CRB1: variants seen among roughly 807,000 people sequenced by gnomAD.
CRB1 encodes crumbs cell polarity complex component 1, also known as protein crumbs homolog 1.
Under a neutral mutation model 120.0 loss-of-function variants are expected in CRB1, and 83 were observed. The ratio of observed to expected loss-of-function variants is 0.69; its 90% CI spans 0.58 to 0.83. The LOEUF (loss-of-function observed/expected upper bound fraction) is 0.83, where lower values mean the gene tolerates loss of function less well. Ranked by LOEUF, CRB1 falls within the 40% of genes least tolerant of loss-of-function variation. The pLI is 0.00. For synonymous variants in CRB1, 625 were observed against 612.5 expected, an observed-to-expected ratio of 1.02 and a Z score of -0.30; for missense variants, 1,699 against 1,687.6, an observed-to-expected ratio of 1.01 and a Z score of -0.12.
intron 1 of CRB1, among the ~76,000 whole-genome samples, chr1:197,289,687 T>C (rs1162626302): frequency 6.6e-6 from 1 of 151,818 alleles, no homozygotes; most frequent in Non-Finnish European, 1.5e-5. Context: ...TTAATCTTAC[T>C]AACATATTTT....
chr1:197,448,518 T>A (rs1665808580), intron 11 of CRB1, among the ~76,000 whole-genome samples: 1 of 152,212 alleles, frequency 6.6e-6, no homozygotes, highest in African/African-American at 2.4e-5. Context: ...TTCTTACCTG[T>A]GCTCTCACAA....
intron 5 of CRB1, among the ~76,000 whole-genome samples, chr1:197,392,573 A>G (rs1399041596): frequency 1.3e-5 from 2 of 152,138 alleles, no homozygotes; most frequent in Non-Finnish European, 2.9e-5. Context: ...ATATTGTTCA[A>G]TCTCAAGAAA....
intron 1 of CRB1, among the ~76,000 whole-genome samples, chr1:197,272,919 A>G (rs554359283): frequency 9.2e-5 from 14 of 152,338 alleles, no homozygotes; most frequent in African/African-American, 3.4e-4. Context: ...TTAGGAAATC[A>G]AGGAAATCCC....
intron 5 of CRB1, among the ~76,000 whole-genome samples, chr1:197,415,789 C>G (rs1460810911): frequency 1.3e-5 from 2 of 151,328 alleles, no homozygotes; most frequent in African/African-American, 4.9e-5. Flanking sequence ...ACTACAGGCG[C>G]CCACCACCAC....
the CRB1 span, among the ~76,000 whole-genome samples, chr1:197,260,844 G>T: frequency 3.9e-5 from 6 of 152,086 alleles, no homozygotes; most frequent in South Asian, 1.2e-3. Flanking sequence ...CGACAGGTGT[G>T]CATGACCACG....
chr1:197,319,181 T>TGG (rs1262810670), intron 1 of CRB1, among the ~76,000 whole-genome samples: 4 of 145,346 alleles, frequency 2.8e-5, no homozygotes, highest in African/African-American at 1.0e-4. Flanking sequence ...AATAGAAGTT[T>TGG]GGGGGGCTGA....
chr1:197,384,556 C>T (rs1179849966), intron 5 of CRB1, among the ~76,000 whole-genome samples: 1 of 152,068 alleles, frequency 6.6e-6, no homozygotes, highest in Non-Finnish European at 1.5e-5. Context: ...AATGTATTTT[C>T]GACATCCTGT....
intron 1 of CRB1, among the ~76,000 whole-genome samples, chr1:197,317,874 A>G (rs1657948079): frequency 6.6e-6 from 1 of 152,162 alleles, no homozygotes; most frequent in African/African-American, 2.4e-5. Context: ...TAAACATAAG[A>G]CCTGAAATGA....
chr1:197,229,136 T>TGG, the CRB1 span, among the ~76,000 whole-genome samples: 2 of 152,278 alleles, frequency 1.3e-5, no homozygotes, highest in East Asian at 3.9e-4. Context: ...ATCCTGATCT[T>TGG]GGACTTCCAG....
intron 1 of CRB1, among the ~76,000 whole-genome samples, chr1:197,291,522 C>T (rs4915453): frequency 6.6e-6 from 1 of 151,578 alleles, no homozygotes; most frequent in Non-Finnish European, 1.5e-5. Flanking sequence ...ATTTGATTGA[C>T]TTTTATCTCA....
chr1:197,243,932 C>G, the CRB1 span, among the ~76,000 whole-genome samples: 3 of 152,044 alleles, frequency 2.0e-5, no homozygotes, highest in East Asian at 5.8e-4. Context: ...ATGTAATGGC[C>G]TTCTTTGTCT....
chr1:197,364,243 A>G (rs1177213053), intron 5 of CRB1, among the ~76,000 whole-genome samples: 3 of 152,226 alleles, frequency 2.0e-5, no homozygotes, highest in African/African-American at 7.2e-5. Flanking sequence ...ATATGTTTGC[A>G]AAAAAGAAAA....
At chr1:197,420,000 C>CAAAAAAAAAAAAAAAAAAAAAAAA (rs200847709) in intron 5 of CRB1, among the ~76,000 whole-genome samples, 1 of 140,086 alleles carries the variant, frequency 7.1e-6, no homozygotes. Context: ...AAAAAAAAAA[C>CAAAAAAAAAAAAAAAAAAAAAAAA]AAACAAAAAA....
intron 5 of CRB1, among the ~76,000 whole-genome samples, chr1:197,398,350 G>A (rs1373568720): frequency 6.6e-6 from 1 of 152,020 alleles, no homozygotes; most frequent in Non-Finnish European, 1.5e-5. Flanking sequence ...AAGTAAAGTT[G>A]AGCATTGTAA....
chr1:197,369,150 A>T (rs1256492307), intron 5 of CRB1, among the ~76,000 whole-genome samples: 1 of 152,142 alleles, frequency 6.6e-6, no homozygotes, highest in East Asian at 1.9e-4. Context: ...TTGACATCCC[A>T]TGCTTTTTTT....
chr1:197,279,537 CT>C (rs747284548), intron 1 of CRB1, among the ~76,000 whole-genome samples: 1,625 of 130,618 alleles, frequency 0.012, 11 homozygotes, highest in Non-Finnish European at 0.02. Flanking sequence ...TGTTTTCTGG[CT>C]TTTTTTTTTT....
intron 4 of CRB1, among the ~76,000 whole-genome samples, chr1:197,352,163 C>T (rs954261598): frequency 1.3e-5 from 2 of 152,184 alleles, no homozygotes; most frequent in Non-Finnish European, 2.9e-5. Context: ...GACTCAGTAT[C>T]ATGTTGTTTA....
chr1:197,459,798 A>G (rs1205944288), intron 11 of CRB1, among the ~76,000 whole-genome samples: 1 of 152,120 alleles, frequency 6.6e-6, no homozygotes, highest in African/African-American at 2.4e-5. Context: ...AAAGCAATAC[A>G]AACTGTTTAT....
the CRB1 span, among the ~76,000 whole-genome samples, chr1:197,208,960 G>A: frequency 6.6e-6 from 1 of 152,080 alleles, no homozygotes; most frequent in South Asian, 2.1e-4. Flanking sequence ...CGTTCCCAGG[G>A]GAATTATGGC....
Sources: gnomAD v4.1 joint callset for allele counts (sites outside exome capture counted in the v4.1 genomes callset) on GRCh38, gnomAD v4.1.1 for gene constraint, MANE v1.5 for transcripts, NCBI Gene and HGNC (gene_info 2026-07-23, HGNC 2026-07-21) for gene names.